Variants in CNTNAP2 observed in about 807,000 individuals in gnomAD.
CNTNAP2 encodes the protein contactin-associated protein-like 2.
CNTNAP2 carries 98 observed loss-of-function variants against 155.2 expected under a neutral mutation model. The observed-to-expected ratio is 0.63, with a 90% CI of 0.54 to 0.75. The LOEUF (loss-of-function observed/expected upper bound fraction) is 0.75, where lower values mean the gene tolerates loss of function less well. Ranked by LOEUF, CNTNAP2 falls within the 30% of genes least tolerant of loss-of-function variation. The pLI, the probability that CNTNAP2 is intolerant of heterozygous loss-of-function variation, is 0.00. For missense variants in CNTNAP2, 1,727 were observed against 1,688.1 expected, an observed-to-expected ratio of 1.02 and a Z score of -0.40; for synonymous variants, 651 against 631.2, an observed-to-expected ratio of 1.03 and a Z score of -0.47.
chr7:146,663,778 G>A (rs112200635), intron 1 of CNTNAP2, among the ~76,000 whole-genome samples: 2,837 of 152,016 alleles, frequency 0.019, 94 homozygotes, highest in African/African-American at 0.065. Flanking sequence ...TTCTATATAC[G>A]CCACCATGTC....
chr7:148,348,736 A>G (rs923467835), intron 21 of CNTNAP2, among the ~76,000 whole-genome samples: 1 of 152,232 alleles, frequency 6.6e-6, no homozygotes, highest in African/African-American at 2.4e-5. Flanking sequence ...AGCAGAGTAG[A>G]TAATAGATGC....
chr7:147,777,317 A>G (rs1797599326), intron 13 of CNTNAP2, among the ~76,000 whole-genome samples: 1 of 152,186 alleles, frequency 6.6e-6, no homozygotes, highest in African/African-American at 2.4e-5. Context: ...AAATAAGTTC[A>G]CCTTGTCCTT....
At chr7:147,299,992 A>C in intron 8 of CNTNAP2, 149 bp from the exon 9 acceptor site, 2 of 774,576 alleles carry the variant, frequency 2.6e-6, no homozygotes, top group East Asian at 5.4e-5. Flanking sequence ...TGTTAAAGAG[A>C]CATGAGACGT....
chr7:147,176,855 A>AT (rs1217932822), intron 8 of CNTNAP2, among the ~76,000 whole-genome samples: 2 of 117,870 alleles, frequency 1.7e-5, no homozygotes, highest in Middle Eastern at 7.4e-3. Context: ...ATAATATATA[A>AT]TAGATATTAT....
chr7:148,054,462 T>C lies in CNTNAP2; in HGVS notation c.2384-63656T>C, dbSNP rs945539506. ...TCTCAGTGGCCTTTTTTTTTTTTTT[T>C]TTTTTTTTTTACAGAGCTGGATAAT... On this transcript the variant is annotated intron_variant, in intron 15 of 23. Coordinates refer to ENST00000361727, the MANE Select transcript of CNTNAP2 (RefSeq NM_014141.6). 3.3e-4 allele frequency among the ~76,000 whole-genome samples: 49 copies of C among 149,368 alleles called. No individual in the cohort carries two copies. In the East Asian group the frequency reaches 9.5e-3, roughly 29 times the overall value.
chr7:147,783,817 A>G (rs548287477), intron 13 of CNTNAP2, among the ~76,000 whole-genome samples: 1 of 152,294 alleles, frequency 6.6e-6, no homozygotes, highest in Non-Finnish European at 1.5e-5. Flanking sequence ...CTGTCTGTGC[A>G]ACAGTAAGCA....
In CNTNAP2 at chr7:146,550,127, C is replaced by T. The variant is rs140119003; in HGVS notation, c.98-224144C>T. On this transcript the variant is annotated intron_variant, in intron 1 of 23. Transcript: ENST00000361727. The stretch of plus-strand genomic sequence containing the variant: ...CTTGGATTGATTAAACTTAGGGGAA[C>T]GGGACTAGTAGATTTGATAATTGTG... Among the ~76,000 whole-genome samples the T allele has an allele frequency of 4.6e-3, 707 of 152,070 alleles. 4 individuals carry two copies. Among genetic ancestry groups the T allele is most frequent in the African/African-American group, 0.016 (649 of 41,470 alleles).
intron 1 of CNTNAP2, among the ~76,000 whole-genome samples, chr7:146,675,876 A>G (rs1472997865): frequency 6.6e-6 from 1 of 152,148 alleles, no homozygotes; most frequent in Non-Finnish European, 1.5e-5. Flanking sequence ...ATCAATACAT[A>G]TGCTTCATTT....
chr7:147,004,844 A>T (rs1798496119), intron 3 of CNTNAP2, among the ~76,000 whole-genome samples: 1 of 152,088 alleles, frequency 6.6e-6, no homozygotes, highest in Non-Finnish European at 1.5e-5. Flanking sequence ...TTGTGTTAAA[A>T]CGAATCAACT....
intron 1 of CNTNAP2, among the ~76,000 whole-genome samples, chr7:146,143,718 T>C (rs1797913872): frequency 6.6e-6 from 1 of 152,168 alleles, no homozygotes; most frequent in African/African-American, 2.4e-5. Context: ...ATTTCTACAA[T>C]AAGTTTACAG....
chr7:147,720,735 C>T (rs924490713), intron 13 of CNTNAP2, among the ~76,000 whole-genome samples: 4 of 152,106 alleles, frequency 2.6e-5, no homozygotes, highest in African/African-American at 7.2e-5. Flanking sequence ...GAAAGTACCT[C>T]GCTTCCCTTT....
At chr7:147,498,569 A>G (rs1798753236) in intron 11 of CNTNAP2, among the ~76,000 whole-genome samples, 1 of 152,248 alleles carries the variant, frequency 6.6e-6, no homozygotes, top group South Asian at 2.1e-4. Context: ...AATAGTATAG[A>G]GGAGAAATTT....
At chr7:148,291,977 G>C (rs1797198632) in intron 21 of CNTNAP2, among the ~76,000 whole-genome samples, 2 of 152,146 alleles carry the variant, frequency 1.3e-5, no homozygotes, top group Non-Finnish European at 2.9e-5. Context: ...CCATGGAGTG[G>C]TGCTGGGTGG....
At chr7:146,759,263 A>G (rs1321876499) in intron 1 of CNTNAP2, among the ~76,000 whole-genome samples, 3 of 152,284 alleles carry the variant, frequency 2.0e-5, no homozygotes, top group Admixed American at 2.0e-4. Context: ...TTACTGGTGA[A>G]ATACAGAATT....
At chr7:146,855,615 A>G (rs1794963420) in intron 3 of CNTNAP2, among the ~76,000 whole-genome samples, 1 of 151,892 alleles carries the variant, frequency 6.6e-6, no homozygotes, top group Admixed American at 6.6e-5. Flanking sequence ...TTTAAGAAAG[A>G]AGAAATGAGG....
At chr7:147,921,580 G>C (rs1460244004) in intron 14 of CNTNAP2, among the ~76,000 whole-genome samples, 2 of 152,162 alleles carry the variant, frequency 1.3e-5, no homozygotes, top group Non-Finnish European at 2.9e-5. Flanking sequence ...GCACAAGGTA[G>C]TCTGCTAAGA....
chr7:147,415,662 A>G (rs1797181107), intron 10 of CNTNAP2, among the ~76,000 whole-genome samples: 1 of 152,210 alleles, frequency 6.6e-6, no homozygotes, highest in Non-Finnish European at 1.5e-5. Flanking sequence ...AGTTTTTTAT[A>G]GCAGTAAAAA....
In CNTNAP2 at chr7:148,217,528, A is replaced by G; in HGVS notation, c.3247+4A>G. 1 of 1,613,662 alleles carries G rather than the reference A, an allele frequency of 6.2e-7. No homozygotes were observed. The highest frequency in any genetic ancestry group is 8.5e-7 in the Non-Finnish European group (1 of 1,179,526). On this transcript the variant is annotated splice_donor_region_variant and intron_variant, in intron 19 of 23. Transcript: ENST00000361727. ...GCAGTCCTCGTCAAACCCACTGGTA[A>G]GGACAAGGATACCCAGCCTCTGCCA...
chr7:148,382,889 A>G (rs1005303354), intron 21 of CNTNAP2, among the ~76,000 whole-genome samples: 2 of 152,234 alleles, frequency 1.3e-5, no homozygotes, highest in Non-Finnish European at 2.9e-5. Flanking sequence ...ACAGAGGGCC[A>G]TTGATTTAAC....
Sources: gnomAD v4.1 joint callset for allele counts (sites outside exome capture counted in the v4.1 genomes callset) on GRCh38, gnomAD v4.1.1 for gene constraint, MANE v1.5 for transcripts, NCBI Gene and HGNC (gene_info 2026-07-23, HGNC 2026-07-21) for gene names.